SNX29: variants seen among roughly 807,000 people sequenced by gnomAD.
The protein encoded by SNX29 is sorting nexin-29.
Under a neutral mutation model 102.1 loss-of-function variants are expected in SNX29, and 78 were observed. That is an observed-to-expected ratio of 0.76 (90% CI 0.64 to 0.92). The LOEUF (loss-of-function observed/expected upper bound fraction) is 0.92, where lower values mean the gene tolerates loss of function less well. Ranked by LOEUF, SNX29 falls within the 40% of genes least tolerant of loss-of-function variation. The probability of loss-of-function intolerance (pLI) is 0.00; values close to 1 mark genes in which losing one functional copy is unlikely to be tolerated. For synonymous variants in SNX29, 580 were observed against 414.5 expected, an observed-to-expected ratio of 1.40 and a Z score of -4.85; for missense variants, 1,280 against 1,061.7, an observed-to-expected ratio of 1.21 and a Z score of -2.86.
chr16:12,113,245 G>A (rs577572814), intron 11 of SNX29, among the ~76,000 whole-genome samples: 47 of 152,222 alleles, frequency 3.1e-4, no homozygotes, highest in African/African-American at 1.0e-3. Context: ...CATAATTTGG[G>A]AGGTTGTCAG....
intron 14 of SNX29, among the ~76,000 whole-genome samples, chr16:12,205,422 T>C (rs1350896284): frequency 6.6e-6 from 1 of 152,226 alleles, no homozygotes; most frequent in Non-Finnish European, 1.5e-5. Flanking sequence ...TCCTGACTTT[T>C]TGATGATGGC....
At chr16:12,551,172 C>T (rs556768941) in intron 20 of SNX29, among the ~76,000 whole-genome samples, 6 of 152,118 alleles carry the variant, frequency 3.9e-5, no homozygotes, top group African/African-American at 1.2e-4. Context: ...TCAGTACCAT[C>T]GTGCAGACTT....
chr16:12,071,735 G>T lies in SNX29; in HGVS notation c.1319+2603G>T, dbSNP rs145623922. On this transcript the variant is annotated intron_variant, in intron 10 of 20. Coordinates refer to ENST00000566228, the MANE Select transcript of SNX29 (RefSeq NM_032167.5). ...AGTCATTGGTAGCTTGATGGGGATGGCATTGAATCTATAAATTACCTTGGG... is the reference window on the plus strand; with the variant it reads ...AGTCATTGGTAGCTTGATGGGGATGTCATTGAATCTATAAATTACCTTGGG... 7.0e-4 allele frequency among the ~76,000 whole-genome samples: 106 copies of T among 152,204 alleles called. 1 individual carries two copies. Among genetic ancestry groups the T allele is most frequent in the Middle Eastern group, 3.4e-3 (1 of 292 alleles).
chr16:12,109,591 C>T (rs967845732), intron 11 of SNX29, among the ~76,000 whole-genome samples: 10 of 152,102 alleles, frequency 6.6e-5, no homozygotes, highest in African/African-American at 1.2e-4. Flanking sequence ...TGTCTACATC[C>T]GGGACCCTCA....
chr16:12,492,911 A>C (rs169769), intron 19 of SNX29, among the ~76,000 whole-genome samples: 80,327 of 151,994 alleles, frequency 0.53, 21,792 homozygotes, highest in South Asian at 0.66. Flanking sequence ...GGTACCAGTA[A>C]AATGCTGTTT....
chr16:12,523,320 G>A (rs16959816), intron 19 of SNX29, among the ~76,000 whole-genome samples: 1,752 of 152,308 alleles, frequency 0.012, 33 homozygotes, highest in African/African-American at 0.04. Context: ...GTTACGCGCC[G>A]TCGTCATAGA....
chr16:12,061,784 G>C, intron 9 of SNX29, 138 bp downstream of exon 9: 1 of 680,778 alleles, frequency 1.5e-6, no homozygotes, highest in Non-Finnish European at 2.5e-6. Context: ...GGGCCAGGGG[G>C]AGCTCACTGA....
At chr16:12,133,162 G>A (rs1212895753) in intron 13 of SNX29, among the ~76,000 whole-genome samples, 1 of 152,164 alleles carries the variant, frequency 6.6e-6, no homozygotes, top group Admixed American at 6.5e-5. Flanking sequence ...TACAGCTAGG[G>A]CTTTATGGTC....
At chr16:12,423,402 G>A (rs1414696814) in intron 18 of SNX29, among the ~76,000 whole-genome samples, 1 of 152,206 alleles carries the variant, frequency 6.6e-6, no homozygotes, top group Middle Eastern at 3.4e-3. Context: ...AGATGAGGAA[G>A]CTGCAGCCGG....
chr16:12,554,746 A>T (rs192637366), intron 20 of SNX29, among the ~76,000 whole-genome samples: 1 of 151,902 alleles, frequency 6.6e-6, no homozygotes, highest in Admixed American at 6.6e-5. Context: ...CATTTTCCTT[A>T]AGTGTATTAG....
At chr16:12,481,645 C>T (rs1294015048) in intron 19 of SNX29, among the ~76,000 whole-genome samples, 2 of 151,958 alleles carry the variant, frequency 1.3e-5, no homozygotes, top group Non-Finnish European at 2.9e-5. Flanking sequence ...AGTGATTATC[C>T]TGCCTCAGCC....
At chr16:12,567,461 C>T (rs778696352) in intron 20 of SNX29, among the ~76,000 whole-genome samples, 2 of 152,164 alleles carry the variant, frequency 1.3e-5, no homozygotes, top group African/African-American at 4.8e-5. Flanking sequence ...TTATGTGTCC[C>T]CTTATCTAGC....
chr16:12,417,347 G>C (rs2084678053), intron 18 of SNX29, among the ~76,000 whole-genome samples: 1 of 152,186 alleles, frequency 6.6e-6, no homozygotes, highest in African/African-American at 2.4e-5. Context: ...CCTCTGTCCA[G>C]GTGTCTTTCC....
chr16:12,074,865 T>C (rs1402210194), intron 10 of SNX29, among the ~76,000 whole-genome samples: 2 of 152,216 alleles, frequency 1.3e-5, no homozygotes, highest in African/African-American at 4.8e-5. Flanking sequence ...TGTTCGTTTC[T>C]TTTTATTCTT....
intron 10 of SNX29, among the ~76,000 whole-genome samples, chr16:12,074,057 G>A (rs1035685402): frequency 2.6e-5 from 4 of 151,814 alleles, no homozygotes; most frequent in African/African-American, 9.7e-5. Context: ...TTGAGCCTAT[G>A]TGTGTCTCTG....
intron 19 of SNX29, among the ~76,000 whole-genome samples, chr16:12,522,565 C>T (rs952361701): frequency 6.6e-6 from 1 of 152,032 alleles, no homozygotes; most frequent in Non-Finnish European, 1.5e-5. Context: ...GGATTTCCTC[C>T]TTGCTGTTCT....
intron 14 of SNX29, among the ~76,000 whole-genome samples, chr16:12,202,084 C>T (rs1033370472): frequency 6.6e-6 from 1 of 152,134 alleles, no homozygotes. Context: ...AGAGCGGTTA[C>T]GTACGTACGG....
intron 18 of SNX29, chr16:12,442,951 T>C: frequency 2.2e-6 from 1 of 454,372 alleles, no homozygotes; most frequent in Non-Finnish European, 4.4e-6. Context: ...TCATATACTT[T>C]GCCCATGCTA....
At position 12,096,137 on chromosome 16, in the gene SNX29, C is replaced by A. The variant is rs375286246; in HGVS notation, c.1402+17222C>A. On this transcript the variant is annotated intron_variant, in intron 11 of 20. Transcript: ENST00000566228. This position sits in a 1 kb window ranked among gnomAD's most constrained non-coding sequence, Gnocchi z 4.2. Reference sequence around the variant, plus strand: ...TCTGAGCCCCCTGCCCCTTAACTGCCGAGAAGTGAACCTAGGTGACGTGGC... The same window carrying A: ...TCTGAGCCCCCTGCCCCTTAACTGCAGAGAAGTGAACCTAGGTGACGTGGC... Among the ~76,000 whole-genome samples the A allele has an allele frequency of 6.6e-6, 1 of 152,208 alleles. No individual in the cohort carries two copies. Among genetic ancestry groups the A allele is most frequent in the South Asian group, 2.1e-4 (1 of 4,832 alleles).
Sources: allele counts gnomAD v4.1 joint callset (sites outside exome capture counted in the v4.1 genomes callset), GRCh38; gene constraint gnomAD v4.1.1; non-coding constraint Gnocchi (gnomAD v3.1); transcripts MANE v1.5; gene names NCBI Gene and HGNC (gene_info 2026-07-23, HGNC 2026-07-21).